CFAP299: variants seen among roughly 807,000 people sequenced by gnomAD.
CFAP299 encodes the protein cilia and flagella associated protein 299.
CFAP299 carries 21 observed loss-of-function variants against 27.0 expected under a neutral mutation model. The observed-to-expected ratio is 0.78, with a 90% CI of 0.55 to 1.12. The LOEUF is 1.12. Among genes scored for constraint, CFAP299 ranks in the 50% most tolerant of loss-of-function variants. The probability of loss-of-function intolerance (pLI) is 0.00; values close to 1 mark genes in which losing one functional copy is unlikely to be tolerated. For missense variants in CFAP299, 310 were observed against 276.6 expected (o/e 1.12, Z -0.86); for synonymous variants, 104 against 98.1 (o/e 1.06, Z -0.36).
chr4:80,691,599 C>A (rs950512278), intron 3 of CFAP299, among the ~76,000 whole-genome samples: 3 of 151,454 alleles, frequency 2.0e-5, no homozygotes, highest in African/African-American at 7.3e-5. Context: ...ACTGAATGGG[C>A]AAAAACTGGA....
the CFAP299 span, among the ~76,000 whole-genome samples, chr4:80,323,368 T>G: frequency 6.6e-6 from 1 of 152,236 alleles, no homozygotes; most frequent in Non-Finnish European, 1.5e-5. Context: ...AAAGCTGTAA[T>G]GTATTATCAC....
chr4:80,795,823 G>A (rs2083387707), intron 3 of CFAP299, among the ~76,000 whole-genome samples: 1 of 152,110 alleles, frequency 6.6e-6, no homozygotes, highest in Admixed American at 6.6e-5. Flanking sequence ...CCCACTAACA[G>A]ACCAAGATCT....
chr4:80,809,719 C>T (rs17004996), intron 3 of CFAP299, among the ~76,000 whole-genome samples: 9,831 of 152,200 alleles, frequency 0.065, 389 homozygotes, highest in Middle Eastern at 0.088. Flanking sequence ...ACTTCAGTGA[C>T]TCCCATCCCT....
At chr4:80,760,222 A>G (rs954267686) in intron 3 of CFAP299, among the ~76,000 whole-genome samples, 1 of 152,224 alleles carries the variant, frequency 6.6e-6, no homozygotes, top group Non-Finnish European at 1.5e-5. Flanking sequence ...AGAAAGAAAT[A>G]CATTAGTGAT....
At chr4:80,543,395 C>T (rs913770181) in intron 2 of CFAP299, among the ~76,000 whole-genome samples, 1 of 152,170 alleles carries the variant, frequency 6.6e-6, no homozygotes, top group Admixed American at 6.6e-5. Context: ...AATTCAGAAT[C>T]TGGACAGCAA....
intron 2 of CFAP299, among the ~76,000 whole-genome samples, chr4:80,529,357 AATATACTGCATC>A (rs1470923143): frequency 1.3e-5 from 2 of 152,148 alleles, no homozygotes; most frequent in Non-Finnish European, 2.9e-5. Flanking sequence ...TTATTTTTAG[AATATACTGCATC>A]ATATACAACA....
At chr4:80,723,185 T>C (rs1722938563) in intron 3 of CFAP299, among the ~76,000 whole-genome samples, 1 of 152,182 alleles carries the variant, frequency 6.6e-6, no homozygotes, top group Non-Finnish European at 1.5e-5. Context: ...GGTGAACTTT[T>C]TGGTAGTTTT....
intron 2 of CFAP299, among the ~76,000 whole-genome samples, chr4:80,424,197 G>A (rs1727429270): frequency 6.6e-6 from 1 of 152,102 alleles, no homozygotes; most frequent in African/African-American, 2.4e-5. Flanking sequence ...TGCTTCAGTG[G>A]CACTCTTCCT....
intron 2 of CFAP299, among the ~76,000 whole-genome samples, chr4:80,559,711 A>C (rs1241761831): frequency 6.6e-6 from 1 of 152,170 alleles, no homozygotes; most frequent in Non-Finnish European, 1.5e-5. Flanking sequence ...ACTCATTGCT[A>C]TCCTGCTAGA....
chr4:80,767,731 G>A lies in CFAP299; in HGVS notation c.334-102262G>A, dbSNP rs192856583. Among the ~76,000 whole-genome samples, 15 of 152,318 alleles carry A rather than the reference G, an allele frequency of 9.8e-5. No homozygotes were observed. In the East Asian group the frequency reaches 2.9e-3, roughly 29 times the overall value. ...TCACAGATAGTGGGAGACTATTGTG[G>A]CTGATTTAGCAGTGTTTTCAGTATT... On this transcript the variant is annotated intron_variant, in intron 3 of 5. Transcript: ENST00000358105.
intron 3 of CFAP299, among the ~76,000 whole-genome samples, chr4:80,675,857 T>C (rs1362100124): frequency 6.6e-6 from 1 of 152,232 alleles, no homozygotes; most frequent in Non-Finnish European, 1.5e-5. Flanking sequence ...AGGCGCAGGA[T>C]ATAATCTCTT....
chr4:80,808,984 A>C (rs1729005099), intron 3 of CFAP299, among the ~76,000 whole-genome samples: 1 of 152,156 alleles, frequency 6.6e-6, no homozygotes, highest in Non-Finnish European at 1.5e-5. Flanking sequence ...AGACCATCTT[A>C]AGTAGGGAGA....
At chr4:80,486,292 C>T (rs1032135361) in intron 2 of CFAP299, among the ~76,000 whole-genome samples, 1 of 152,120 alleles carries the variant, frequency 6.6e-6, no homozygotes, top group African/African-American at 2.4e-5. Flanking sequence ...ATTTCTACAC[C>T]CAGGGCTGCC....
intron 3 of CFAP299, among the ~76,000 whole-genome samples, chr4:80,607,346 A>G (rs949167823): frequency 2.0e-5 from 3 of 152,170 alleles, no homozygotes; most frequent in African/African-American, 7.2e-5. Flanking sequence ...TGGTTCATGT[A>G]TTCTCTACTT....
intron 2 of CFAP299, among the ~76,000 whole-genome samples, chr4:80,581,900 C>T (rs1216054709): frequency 6.6e-6 from 1 of 151,854 alleles, no homozygotes; most frequent in Non-Finnish European, 1.5e-5. Flanking sequence ...CATGAGCACA[C>T]AAACCTTCCC....
chr4:80,908,583 T>G (rs1302650157), intron 4 of CFAP299, among the ~76,000 whole-genome samples: 1 of 152,226 alleles, frequency 6.6e-6, no homozygotes, highest in Admixed American at 6.5e-5. Flanking sequence ...TACACATTAG[T>G]GTCACCAGAA....
intron 2 of CFAP299, among the ~76,000 whole-genome samples, chr4:80,537,076 G>A (rs1224538893): frequency 6.6e-6 from 1 of 152,020 alleles, no homozygotes; most frequent in African/African-American, 2.4e-5. Context: ...ATATACAAAA[G>A]CCAACAGGAA....
intron 3 of CFAP299, among the ~76,000 whole-genome samples, chr4:80,629,345 A>G (rs1739086582): frequency 6.6e-6 from 1 of 152,140 alleles, no homozygotes; most frequent in East Asian, 1.9e-4. Context: ...TGGTCAAAGA[A>G]TATAAAATTT....
chr4:80,400,125 A>G (rs759988066), intron 2 of CFAP299, among the ~76,000 whole-genome samples: 10 of 152,210 alleles, frequency 6.6e-5, no homozygotes, highest in Non-Finnish European at 1.2e-4. Flanking sequence ...GTATGTTGAT[A>G]TAGATGCAAT....
Sources: gnomAD v4.1 joint callset for allele counts (sites outside exome capture counted in the v4.1 genomes callset) on GRCh38, gnomAD v4.1.1 for gene constraint, MANE v1.5 for transcripts, NCBI Gene and HGNC (gene_info 2026-07-23, HGNC 2026-07-21) for gene names.